AUNIP: variants seen among roughly 807,000 people sequenced by gnomAD.
AUNIP encodes aurora kinase A and ninein interacting protein, also known as aurora kinase A- and ninein-interacting protein.
Under a neutral mutation model 12.2 loss-of-function variants are expected in AUNIP, and 16 were observed. That is an observed-to-expected ratio of 1.31 (90% CI 0.88 to 1.99). AUNIP has a LOEUF of 1.99. AUNIP is among the 30% of genes most tolerant of loss of function. The pLI, the probability that AUNIP is intolerant of heterozygous loss-of-function variation, is 0.00. For missense variants in AUNIP, 411 were observed against 419.1 expected (o/e 0.98, Z 0.17); for synonymous variants, 142 against 154.8 (o/e 0.92, Z 0.61).
intron 1 of AUNIP, among the ~76,000 whole-genome samples, chr1:25,848,645 T>C (rs1447866652): frequency 6.6e-6 from 1 of 152,180 alleles, no homozygotes; most frequent in Non-Finnish European, 1.5e-5. Context: ...GTGCTAACAA[T>C]GTGATTTATG....
rs2048284792 is a variant in AUNIP at position 25,834,654 on chromosome 1, C to G, written c.*339G>C. The stretch of plus-strand genomic sequence containing the variant: ...AAAAAACACATCCATAAGCAAGGTC[C>G]CAGTCAGACATCTGGAAGGGCAAAG... On this transcript the variant is annotated 3_prime_UTR_variant, in exon 3 of 3. Coordinates refer to ENST00000374298, the MANE Select transcript of AUNIP (RefSeq NM_024037.3). The G allele has an allele frequency of 1.9e-6, 2 of 1,048,998 alleles. No homozygotes were observed. Among genetic ancestry groups the G allele is most frequent in the Admixed American group, 1.0e-4 (2 of 20,052 alleles). 65.0% of individuals were successfully genotyped at this position (1,048,998 alleles called of 1,614,324 possible). A position where few individuals can be genotyped will look rare whatever the true frequency, so the allele number is the denominator to read the frequency against.
At chr1:25,844,138 C>T (rs1435162674) in intron 1 of AUNIP, among the ~76,000 whole-genome samples, 1 of 152,110 alleles carries the variant, frequency 6.6e-6, no homozygotes, top group Non-Finnish European at 1.5e-5. Context: ...GACAGTTGCG[C>T]TCTTGTTGCC....
downstream of AUNIP, chr1:25,832,293 GAAGTTGTTTCTGGTTT>G: frequency 9.7e-7 from 1 of 1,027,812 alleles, no homozygotes. Context: ...GGGTAAGAGA[GAAGTTGTTTCTGGTTT>G]TTCCTTGCCC....
chr1:25,831,991 C>T (rs2048249404), downstream of AUNIP: 2 of 1,614,170 alleles, frequency 1.2e-6, no homozygotes, highest in Non-Finnish European at 8.5e-7. Flanking sequence ...GAAGTTTGCT[C>T]TAAAGGAAGA....
intron 1 of AUNIP, among the ~76,000 whole-genome samples, chr1:25,849,477 G>A (rs1185188620): frequency 1.3e-5 from 2 of 152,198 alleles, no homozygotes; most frequent in East Asian, 3.9e-4. Flanking sequence ...TGCCTATTCT[G>A]GGCCTTTTAT....
intron 1 of AUNIP, among the ~76,000 whole-genome samples, chr1:25,844,821 CA>C: frequency 6.6e-6 from 1 of 152,270 alleles, no homozygotes; most frequent in Non-Finnish European, 1.5e-5. Flanking sequence ...TCACTGAGAG[CA>C]TCATCACCAA....
chr1:25,857,067 G>A (rs910630132), intron 1 of AUNIP, among the ~76,000 whole-genome samples: 5 of 152,210 alleles, frequency 3.3e-5, no homozygotes, highest in Admixed American at 2.6e-4. Context: ...GTAGGTAGTC[G>A]TGATTACGCC....
In AUNIP at chr1:25,855,542, G is replaced by A. The variant is rs866005238; in HGVS notation, c.78+3738C>T. On this transcript the variant is annotated intron_variant, in intron 1 of 2. Coordinates refer to ENST00000374298, the MANE Select transcript of AUNIP (RefSeq NM_024037.3). ...AATCTAGTATACATACAAGGCCTAAGTAACGAGGCCAAATGGGTAGTTCAA... is the reference window on the plus strand; with the variant it reads ...AATCTAGTATACATACAAGGCCTAAATAACGAGGCCAAATGGGTAGTTCAA... Among the ~76,000 whole-genome samples, 6 of 152,218 alleles carry A rather than the reference G, an allele frequency of 3.9e-5. No homozygotes were observed. The South Asian group carries it at 1.2e-3, about 32-fold the overall frequency.
chr1:25,832,165 G>A, downstream of AUNIP: 1 of 1,552,654 alleles, frequency 6.4e-7, no homozygotes, highest in Non-Finnish European at 8.7e-7. Context: ...TGGACTGAAA[G>A]AGAAGAGCTG....
chr1:25,859,043 G>C (rs1209824142), intron 1 of AUNIP, among the ~76,000 whole-genome samples: 1 of 151,650 alleles, frequency 6.6e-6, no homozygotes, highest in African/African-American at 2.4e-5. Flanking sequence ...CCTGCGCACC[G>C]CTCCTCCAGA....
rs116809031 is a variant in AUNIP at position 25,837,632 on chromosome 1, G to A, written c.79-78C>T. On this transcript the variant is annotated intron_variant, in intron 1 of 2. Transcript: ENST00000374298. Reference sequence around the variant, plus strand: ...CAGTAGAGATTCAGTACACACCAGTGATCCTCTGAGAACCACACTAGATCC... The same window carrying A: ...CAGTAGAGATTCAGTACACACCAGTAATCCTCTGAGAACCACACTAGATCC... 6.3e-4 allele frequency: 904 copies of A among 1,431,594 alleles called. 9 individuals are homozygous for A. The African/African-American group carries it at 0.012, about 18-fold the overall frequency. The allele number at this position is 1,431,594 out of a possible 1,614,324, so 88.7% of individuals were successfully genotyped here.
In AUNIP at chr1:25,834,095, T is replaced by C. The variant is rs1041825605; in HGVS notation, c.*898A>G. On this transcript the variant is annotated 3_prime_UTR_variant, in exon 3 of 3. Transcript: ENST00000374298. Reference sequence around the variant, plus strand: ...AAAGGGTAACAGAGTCACATCCAGATTGTTGTACAGCTCAGGCTTTTTAAG... The same window carrying C: ...AAAGGGTAACAGAGTCACATCCAGACTGTTGTACAGCTCAGGCTTTTTAAG... 1 of 985,332 alleles carries C rather than the reference T, an allele frequency of 1.0e-6. No individual in the cohort carries two copies. Among genetic ancestry groups the C allele is most frequent in the Non-Finnish European group, 1.2e-6 (1 of 829,858 alleles). The allele number at this position is 985,332 out of a possible 1,614,324, so 61.0% of individuals were successfully genotyped here.
intron 1 of AUNIP, among the ~76,000 whole-genome samples, chr1:25,838,082 T>TGC (rs1364629816): frequency 8.6e-6 from 1 of 116,504 alleles, no homozygotes; most frequent in African/African-American, 4.0e-5. Context: ...CTACTAAAAA[T>TGC]ACAAAAAAAA....
In AUNIP at chr1:25,853,111, A is replaced by ATT. The variant is rs1474291147; in HGVS notation, c.78+6168_78+6169insAA. ...TATGTATTCTGCTGTTGTTGGGTAG[A>ATT]CTGTTCTATATTTTTGTCTGTTAGG... On this transcript the variant is annotated intron_variant, in intron 1 of 2. Coordinates refer to ENST00000374298, the MANE Select transcript of AUNIP (RefSeq NM_024037.3). 2.5e-3 allele frequency among the ~76,000 whole-genome samples: 384 copies of ATT among 152,164 alleles called. 5 individuals are homozygous for ATT. Among genetic ancestry groups the ATT allele is most frequent in the African/African-American group, 8.6e-3 (357 of 41,518 alleles).
chr1:25,843,359 A>G (rs1005981683), intron 1 of AUNIP, among the ~76,000 whole-genome samples: 4 of 151,410 alleles, frequency 2.6e-5, no homozygotes, highest in Non-Finnish European at 5.9e-5. Context: ...TAAGAACTAC[A>G]TTTCATAAGG....
At chr1:25,858,086 G>C (rs1253020258) in intron 1 of AUNIP, among the ~76,000 whole-genome samples, 1 of 152,182 alleles carries the variant, frequency 6.6e-6, no homozygotes, top group Non-Finnish European at 1.5e-5. Flanking sequence ...AGAATGGCGT[G>C]AACCCCGGAG....
rs2048487527 is a variant in AUNIP at position 25,859,294 on chromosome 1, T to A, written c.64A>T (p.Arg22Trp). The A allele has an allele frequency of 6.3e-7, 1 of 1,577,132 alleles. No homozygotes were observed. Among genetic ancestry groups the A allele is most frequent in the African/African-American group, 1.4e-5 (1 of 73,698 alleles). ...CAGCGTCCCACCTGCACTTTCCGCC[T>A]CTTCAGCGCCGCCGCGTCCAGCCAC... ...GVWLDAAALKRRKVQTHLIKP... is the reference protein window; with the variant it reads ...GVWLDAAALKWRKVQTHLIKP... Residue 22 changes from arginine to tryptophan, a missense_variant, in exon 1 of 3, where the codon AGG becomes TGG. Coordinates refer to ENST00000374298, the MANE Select transcript of AUNIP (RefSeq NM_024037.3).
chr1:25,844,234 G>A, intron 1 of AUNIP, among the ~76,000 whole-genome samples: 1 of 152,160 alleles, frequency 6.6e-6, no homozygotes, highest in East Asian at 1.9e-4. Context: ...AGCCTCCTGA[G>A]TAGCTGGGAT....
Position 25,835,357 on chromosome 1 carries a change from G to A in AUNIP, c.710C>T (p.Ala237Val). ...GKTKLERKVS[A>V]KENRQAPVLL... Reference sequence around the variant, plus strand: ...GACAGGGGCCTGCCTGTTTTCTTTGGCAGACACCTTTCTTTCCAATTTAGT... The same window carrying A: ...GACAGGGGCCTGCCTGTTTTCTTTGACAGACACCTTTCTTTCCAATTTAGT... The change falls in exon 3 of 3, where the codon GCC becomes GTC. Residue 237 changes from alanine (A) to valine (V), a missense_variant. Coordinates refer to ENST00000374298, the MANE Select transcript of AUNIP (RefSeq NM_024037.3). The A allele has an allele frequency of 6.2e-7, 1 of 1,614,178 alleles. No individual in the cohort carries two copies. Among genetic ancestry groups the A allele is most frequent in the Non-Finnish European group, 8.5e-7 (1 of 1,180,038 alleles).
Sources: gnomAD v4.1 joint callset for allele counts (sites outside exome capture counted in the v4.1 genomes callset) on GRCh38, gnomAD v4.1.1 for gene constraint, MANE v1.5 for transcripts, NCBI Gene and HGNC (gene_info 2026-07-23, HGNC 2026-07-21) for gene names.